The following AGO3 variants were observed in gnomAD, a reference collection of about 807,000 sequenced individuals.
AGO3 encodes the protein protein argonaute-3.
AGO3 carries 16 observed loss-of-function variants against 105.5 expected under a neutral mutation model. The ratio of observed to expected loss-of-function variants is 0.15; its 90% confidence interval spans 0.10 to 0.23. The LOEUF (loss-of-function observed/expected upper bound fraction) is 0.23. Among genes scored for constraint, AGO3 ranks in the 10% least tolerant of loss-of-function variants. The pLI is 1.00. For missense variants in AGO3, 534 were observed against 1,088.0 expected, an observed-to-expected ratio of 0.49 and a Z score of 7.16; for synonymous variants, 340 against 367.3, an observed-to-expected ratio of 0.93 and a Z score of 0.85.
chr1:35,962,618 T>G lies in AGO3; in HGVS notation c.192-4337T>G, dbSNP rs578135115. 4.0e-5 allele frequency among the ~76,000 whole-genome samples: 6 copies of G among 151,668 alleles called. No individual in the cohort carries two copies. The South Asian group carries it at 8.3e-4, about 21-fold the overall frequency. ...ACAGACAAACAGAACACTGGGACAG[T>G]ATAGAGAACTCAGATTGATTTATAT... On this transcript the variant is annotated intron_variant, in intron 2 of 18. Transcript: ENST00000373191.
At chr1:35,988,882 G>T (rs1454491899) in intron 5 of AGO3, among the ~76,000 whole-genome samples, 3 of 151,932 alleles carry the variant, frequency 2.0e-5, no homozygotes, top group Admixed American at 6.6e-5. Context: ...CTGCAACAAG[G>T]GTTTATTAAT....
intron 1 of AGO3, among the ~76,000 whole-genome samples, chr1:35,938,907 G>A (rs969560002): frequency 6.6e-6 from 1 of 151,670 alleles, no homozygotes; most frequent in African/African-American, 2.4e-5. Context: ...CTTTCCAACT[G>A]GTACACATTG....
At chr1:35,955,401 GT>G (rs1055420491) in intron 2 of AGO3, among the ~76,000 whole-genome samples, 71 of 152,256 alleles carry the variant, frequency 4.7e-4, no homozygotes, top group African/African-American at 1.6e-3. Flanking sequence ...GTGTACTACT[GT>G]TTTAATATGT....
rs1458325835 is a variant in AGO3, at chr1:36,059,192, G to A, written c.*3447G>A. On this transcript the variant is annotated 3_prime_UTR_variant, in exon 19 of 19. Transcript: ENST00000373191. The stretch of plus-strand genomic sequence containing the variant: ...GAGTGCTCTTACACTAGTCAGCATT[G>A]CTAGTTTAAAGTTGATTAACTTGAA... 6.6e-6 allele frequency: 1 copy of A among 151,984 alleles called. No individual in the cohort carries two copies. Among genetic ancestry groups the A allele is most frequent in the Non-Finnish European group, 1.5e-5 (1 of 67,954 alleles). The allele number at this position is 151,984 out of a possible 1,614,324, so 9.4% of individuals were successfully genotyped here. A position where few individuals can be genotyped will look rare whatever the true frequency, so the allele number is the denominator to read the frequency against.
intron 16 of AGO3, among the ~76,000 whole-genome samples, chr1:36,041,829 C>T (rs1230466649): frequency 1.3e-5 from 2 of 151,850 alleles, no homozygotes; most frequent in Admixed American, 6.6e-5. Flanking sequence ...TTTGGGTTGT[C>T]GGGAGAATTA....
intron 2 of AGO3, among the ~76,000 whole-genome samples, chr1:35,960,475 G>A (rs1384482569): frequency 6.6e-6 from 1 of 151,672 alleles, no homozygotes; most frequent in African/African-American, 2.4e-5. Context: ...GCAAGACCTG[G>A]TCTCAAAAAA....
Position 36,060,997 on chromosome 1 carries a change from G to A in AGO3, c.*5252G>A, listed in dbSNP as rs1295566171. The stretch of plus-strand genomic sequence containing the variant: ...GAAAAGCACTTTTGTGATTCTATAG[G>A]AGTCAAAAAATCAGCCAAGAGTAGG... On this transcript the variant is annotated 3_prime_UTR_variant, in exon 19 of 19. Transcript: ENST00000373191. The A allele has an allele frequency of 6.6e-6, 1 of 152,034 alleles. No individual in the cohort carries two copies. The highest frequency in any genetic ancestry group is 1.9e-4 in the East Asian group (1 of 5,190). The allele number at this position is 152,034 out of a possible 1,614,324, so 9.4% of individuals were successfully genotyped here.
At chr1:35,979,708 A>G (rs140064773) in intron 5 of AGO3, among the ~76,000 whole-genome samples, 149 of 152,292 alleles carry the variant, frequency 9.8e-4, no homozygotes, top group African/African-American at 3.4e-3. Context: ...GTTATGAATT[A>G]TAACCTTTAT....
At chr1:35,995,403 A>G (rs927153100) in intron 5 of AGO3, among the ~76,000 whole-genome samples, 1 of 151,920 alleles carries the variant, frequency 6.6e-6, no homozygotes, top group African/African-American at 2.4e-5. Flanking sequence ...AAACAGTGAT[A>G]CTGGGGTAAA....
intron 11 of AGO3, among the ~76,000 whole-genome samples, chr1:36,026,059 G>A (rs1259704897): frequency 2.0e-5 from 3 of 151,684 alleles, no homozygotes; most frequent in Non-Finnish European, 2.9e-5. Flanking sequence ...AAAAGAAATT[G>A]GTTTTGGGGG....
At chr1:35,984,438 A>G (rs1038243545) in intron 5 of AGO3, 33 of 152,354 alleles carry the variant, frequency 2.2e-4, no homozygotes, top group Middle Eastern at 3.4e-3. Flanking sequence ...TTTAGTCACT[A>G]TTGTGTTTGC....
chr1:35,970,725 CTTTG>C (rs1011392172), intron 3 of AGO3, among the ~76,000 whole-genome samples: 10 of 151,342 alleles, frequency 6.6e-5, no homozygotes, highest in Admixed American at 2.6e-4. Flanking sequence ...CCCTCCCTCC[CTTTG>C]TTTATTTATT....
chr1:36,001,001 C>T (rs1004584941), intron 5 of AGO3, among the ~76,000 whole-genome samples: 7 of 151,924 alleles, frequency 4.6e-5, no homozygotes, highest in South Asian at 2.1e-4. Context: ...TTTGGGAGGC[C>T]GAGGCGGGTG....
chr1:35,960,945 T>A (rs1023420831), intron 2 of AGO3, among the ~76,000 whole-genome samples: 5 of 151,466 alleles, frequency 3.3e-5, no homozygotes, highest in East Asian at 1.9e-4. Context: ...TTTTTTTTTT[T>A]ATTTTTATTT....
intron 5 of AGO3, among the ~76,000 whole-genome samples, chr1:35,976,447 A>G (rs1646958278): frequency 6.6e-6 from 1 of 152,144 alleles, no homozygotes; most frequent in Non-Finnish European, 1.5e-5. Context: ...AACTAGTGAT[A>G]AGTTTACCTC....
In AGO3 at chr1:36,067,079, G is replaced by A. The variant is rs1439918833; in HGVS notation, c.*11334G>A. 2 of 152,144 alleles carry A rather than the reference G, an allele frequency of 1.3e-5. No individual in the cohort carries two copies. Among genetic ancestry groups the A allele is most frequent in the Admixed American group, 6.6e-5 (1 of 15,260 alleles). The allele number at this position is 152,144 out of a possible 1,614,324, so 9.4% of individuals were successfully genotyped here. A position where few individuals can be genotyped will look rare whatever the true frequency, so the allele number is the denominator to read the frequency against. On this transcript the variant is annotated 3_prime_UTR_variant, in exon 19 of 19. Transcript: ENST00000373191. ...AATGAAGTCTTTATCCTTAAATAGG[G>A]CCAGGCATTGCTATCAACATAGTGT...
intron 6 of AGO3, among the ~76,000 whole-genome samples, chr1:36,006,435 C>T (rs1369696021): frequency 1.3e-5 from 2 of 151,834 alleles, no homozygotes; most frequent in Admixed American, 6.6e-5. Flanking sequence ...TATATATGTG[C>T]CAACTTATTT....
chr1:36,052,443 A>G (rs562178984), intron 17 of AGO3, among the ~76,000 whole-genome samples: 2 of 152,312 alleles, frequency 1.3e-5, no homozygotes, highest in African/African-American at 4.8e-5. Context: ...AACAGATACA[A>G]AATTACAACT....
chr1:36,025,539 A>G (rs1342280633), intron 11 of AGO3, among the ~76,000 whole-genome samples: 1 of 152,144 alleles, frequency 6.6e-6, no homozygotes, highest in Non-Finnish European at 1.5e-5. Context: ...TTGTTAGGCT[A>G]AGTGAAAATA....
Sources: allele counts gnomAD v4.1 joint callset (sites outside exome capture counted in the v4.1 genomes callset), GRCh38; gene constraint gnomAD v4.1.1; transcripts MANE v1.5; gene names NCBI Gene and HGNC (gene_info 2026-07-23, HGNC 2026-07-21).